TP53BP2: variants seen among roughly 807,000 people sequenced by gnomAD.
The protein encoded by TP53BP2 is tumor protein p53 binding protein 2.
In TP53BP2, 62 loss-of-function variants were observed where a neutral mutation model predicts 126.2. The observed-to-expected ratio is 0.49, with a 90% CI of 0.40 to 0.61. The LOEUF is 0.61. TP53BP2 is among the 20% of genes least tolerant of loss of function. The probability of loss-of-function intolerance (pLI) is 0.00; values close to 1 mark genes in which losing one functional copy is unlikely to be tolerated. For synonymous variants in TP53BP2, 485 were observed against 502.9 expected (o/e 0.96, Z 0.48); for missense variants, 1,215 against 1,402.8 (o/e 0.87, Z 2.14).
chr1:223,785,757 T>TA (rs1661929220), intron 16 of TP53BP2, among the ~76,000 whole-genome samples: 3 of 152,218 alleles, frequency 2.0e-5, no homozygotes, highest in African/African-American at 7.2e-5. Flanking sequence ...AGTTGTAGAT[T>TA]ACTTTTTAAA....
At chr1:223,821,688 A>G (rs150318287) in intron 1 of TP53BP2, among the ~76,000 whole-genome samples, 5 of 152,278 alleles carry the variant, frequency 3.3e-5, no homozygotes, top group African/African-American at 9.6e-5. Context: ...TACTACAAAT[A>G]TATCTTCCTG....
rs867111085 is a variant in TP53BP2, at chr1:223,796,050, G to A, written c.2489C>T (p.Pro830Leu). 1 of 1,614,128 alleles carries A rather than the reference G, an allele frequency of 6.2e-7. No homozygotes were observed. Among genetic ancestry groups the A allele is most frequent in the Non-Finnish European group, 8.5e-7 (1 of 1,179,996 alleles). Reference protein sequence around the residue: ...GNASTENSDMPAPSPGLDYEP... With the variant: ...GNASTENSDMLAPSPGLDYEP... ...ATAATCAAGGCCTGGAGAAGGAGCT[G>A]GCATGTCACTGTTCTCTGTACTGGC... The change falls in exon 13 of 18, where the codon CCA (proline) becomes CTA (leucine). Residue 830 changes from proline (P) to leucine (L), a missense_variant. Pro to Leu is a moderately conservative substitution (Grantham distance 98, BLOSUM62 -3). Transcript: ENST00000343537. This position sits in a 1 kb window ranked among gnomAD's most constrained non-coding sequence, Gnocchi z 4.2.
chr1:223,780,788 A>G lies in TP53BP2; in HGVS notation c.*65T>C, dbSNP rs1661743756. The stretch of plus-strand genomic sequence containing the variant: ...AAGTCTTGTGAAATTTTTGCCAAAA[A>G]TAATCGTATTACTTCTTCTTAACAG... On this transcript the variant is annotated 3_prime_UTR_variant, in exon 18 of 18. Transcript: ENST00000343537. The G allele has an allele frequency of 2.6e-6, 4 of 1,553,838 alleles. No individual in the cohort carries two copies. The Admixed American group carries it at 5.8e-5, about 22-fold the overall frequency.
At chr1:223,820,990 T>C in intron 2 of TP53BP2, 1 of 578,984 alleles carries the variant, frequency 1.7e-6, no homozygotes, top group Non-Finnish European at 3.0e-6. Context: ...ACAGCCCAGA[T>C]GACCTTTTGT....
chr1:223,810,297 A>C, intron 4 of TP53BP2, 134 bp downstream of exon 4: 1 of 576,504 alleles, frequency 1.7e-6, no homozygotes, highest in Non-Finnish European at 2.9e-6. Context: ...GTTTCTATGA[A>C]ACAAATTTAA....
intron 16 of TP53BP2, among the ~76,000 whole-genome samples, chr1:223,787,607 T>G (rs1303818426): frequency 1.3e-5 from 2 of 152,042 alleles, no homozygotes; most frequent in Non-Finnish European, 2.9e-5. Flanking sequence ...TCAGGCATGG[T>G]GGCTCACACC....
chr1:223,802,893 T>C lies in TP53BP2; in HGVS notation c.834A>G (p.Leu278=), dbSNP rs766670517. The C allele has an allele frequency of 2.5e-6, 4 of 1,614,054 alleles. No individual in the cohort carries two copies. The South Asian group carries it at 3.3e-5, about 13-fold the overall frequency. ...ELDRLYKELQ[L]RNKLNQEQNA... ...TCTGCTCTTGATTCAATTTGTTTCT[T>C]AGCTGAATAAAAGAGAGGGGAAAAA... The change falls in exon 8 of 18, where the codon CTA becomes CTG. Residue 278 remains leucine (L), a splice_region_variant and synonymous_variant. Transcript: ENST00000343537.
intron 15 of TP53BP2, among the ~76,000 whole-genome samples, chr1:223,791,299 TA>T (rs1178554955): frequency 5.3e-5 from 8 of 152,098 alleles, no homozygotes; most frequent in African/African-American, 1.9e-4. Context: ...AATTTTTTTT[TA>T]AAAAGAGCCT....
chr1:223,795,688 A>G, intron 13 of TP53BP2, 127 bp downstream of exon 13: 1 of 802,604 alleles, frequency 1.2e-6, no homozygotes, highest in Non-Finnish European at 1.8e-6. Context: ...AACATTTATA[A>G]GATCCACTCT....
At chr1:223,811,369 T>C (rs1662902087) in intron 3 of TP53BP2, among the ~76,000 whole-genome samples, 1 of 152,136 alleles carries the variant, frequency 6.6e-6, no homozygotes. Context: ...TCAGGAATCT[T>C]AGCACAAATT....
intron 14 of TP53BP2, among the ~76,000 whole-genome samples, chr1:223,792,754 A>G (rs993972158): frequency 6.6e-6 from 1 of 152,142 alleles, no homozygotes; most frequent in Admixed American, 6.5e-5. Context: ...TTTTTTTAAA[A>G]AAAGGAAGTA....
chr1:223,794,511 C>CT (rs775562065), intron 13 of TP53BP2, among the ~76,000 whole-genome samples: 1 of 152,116 alleles, frequency 6.6e-6, no homozygotes, highest in Non-Finnish European at 1.5e-5. Flanking sequence ...GGTAAGACAC[C>CT]TTCCTAGGAA....
chr1:223,834,841 G>C, intron 1 of TP53BP2: 5 of 985,360 alleles, frequency 5.1e-6, no homozygotes, highest in Non-Finnish European at 6.0e-6. Flanking sequence ...CCTCCAGCCA[G>C]AAGTAAATGT....
chr1:223,827,891 T>C (rs965064584), intron 1 of TP53BP2, among the ~76,000 whole-genome samples: 2 of 152,218 alleles, frequency 1.3e-5, no homozygotes, highest in East Asian at 1.9e-4. Flanking sequence ...GTTCTTTTTA[T>C]TGCTACCATC....
At chr1:223,786,035 CAT>C (rs1661941741) in intron 16 of TP53BP2, among the ~76,000 whole-genome samples, 2 of 152,062 alleles carry the variant, frequency 1.3e-5, no homozygotes, top group African/African-American at 4.8e-5. Context: ...AAACAGCACA[CAT>C]GTCCTTCGAA....
At chr1:223,820,986 C>A (rs917234603) in intron 2 of TP53BP2, 4 of 571,700 alleles carry the variant, frequency 7.0e-6, no homozygotes, top group African/African-American at 5.6e-5. Context: ...CACAACAGCC[C>A]AGATGACCTT....
chr1:223,782,422 T>C (rs1661805426), intron 17 of TP53BP2, among the ~76,000 whole-genome samples: 1 of 152,232 alleles, frequency 6.6e-6, no homozygotes, highest in Admixed American at 6.5e-5. Flanking sequence ...TCTCTAGTGC[T>C]AGAGACTCTG....
Position 223,839,951 on chromosome 1 carries a change from C to T in TP53BP2, c.27+5703G>A, listed in dbSNP as rs558370982. Among the ~76,000 whole-genome samples, 3 of 152,086 alleles carry T rather than the reference C, an allele frequency of 2.0e-5. No individual in the cohort carries two copies. In the East Asian group the frequency reaches 5.8e-4, roughly 29 times the overall value. On this transcript the variant is annotated intron_variant, in intron 1 of 17. Coordinates refer to ENST00000343537, the MANE Select transcript of TP53BP2 (RefSeq NM_001031685.3). ...CAAGACTCTGTCTAAAAAAAAACAA[C>T]AACAAGTGAAAGTTCAGTACTTACT...
chr1:223,828,923 A>C (rs1663599768), intron 1 of TP53BP2, among the ~76,000 whole-genome samples: 1 of 152,172 alleles, frequency 6.6e-6, no homozygotes, highest in African/African-American at 2.4e-5. Context: ...AACCTTGTGA[A>C]TATACTAAAA....
Sources: allele counts gnomAD v4.1 joint callset (sites outside exome capture counted in the v4.1 genomes callset), GRCh38; gene constraint gnomAD v4.1.1; non-coding constraint Gnocchi (gnomAD v3.1); transcripts MANE v1.5; gene names NCBI Gene and HGNC (gene_info 2026-07-23, HGNC 2026-07-21).